Variants in C22orf42 observed in about 807,000 individuals in gnomAD.
The protein encoded by C22orf42 is chromosome 22 open reading frame 42, also known as uncharacterized protein C22orf42.
C22orf42 carries 24 observed loss-of-function variants against 31.4 expected under a neutral mutation model. The ratio of observed to expected loss-of-function variants is 0.77; its 90% confidence interval spans 0.55 to 1.08. The LOEUF (loss-of-function observed/expected upper bound fraction) is 1.08. Ranked by LOEUF, C22orf42 falls within the 50% of genes least tolerant of loss-of-function variation. C22orf42 has a pLI of 0.00. For missense variants in C22orf42, 276 were observed against 327.3 expected (o/e 0.84, Z 1.21); for synonymous variants, 96 against 112.7 (o/e 0.85, Z 0.94).
chr22:32,151,448 A>G (rs1920976692), intron 5 of C22orf42, 39 bp downstream of exon 5: 3 of 1,596,644 alleles, frequency 1.9e-6, no homozygotes, highest in Non-Finnish European at 2.6e-6. Context: ...CAGAAAAAAC[A>G]AAAAGCATTT....
At chr22:32,159,381 C>G, upstream of C22orf42, 1 of 1,432,322 alleles carries the variant, frequency 7.0e-7, no homozygotes, top group South Asian at 1.5e-5. Context: ...ACAACCAAGT[C>G]AGGCTAGTGG....
At chr22:32,151,180 T>C (rs1448662379) in intron 5 of C22orf42, among the ~76,000 whole-genome samples, 161 bp from the exon 6 acceptor site, 1 of 151,748 alleles carries the variant, frequency 6.6e-6, no homozygotes, top group Non-Finnish European at 1.5e-5. Context: ...TTGTGGAAAA[T>C]GCAGTGGGTT....
rs530814447 is a variant in C22orf42, at chr22:32,154,308, G to A, written c.243C>T (p.Ala81=). Residue 81 remains alanine (A), a synonymous_variant, in exon 2 of 9, where the codon GCC becomes GCT. Coordinates refer to ENST00000382097, the MANE Select transcript of C22orf42 (RefSeq NM_001010859.3). ...KMLKMSKGLD[A]RSKRWLKIIW... Reference sequence around the variant, plus strand: ...TTATTTTTAACCAGCGCTTGGAGCGGGCGTCCAAACCTGCAAGGTAGAGCA... The same window carrying A: ...TTATTTTTAACCAGCGCTTGGAGCGAGCGTCCAAACCTGCAAGGTAGAGCA... 49 of 1,612,842 alleles carry A rather than the reference G, an allele frequency of 3.0e-5. No homozygotes were observed. In the South Asian group the frequency reaches 5.4e-4, roughly 18 times the overall value.
At position 32,152,269 on chromosome 22, in the gene C22orf42, T is replaced by G. The variant is rs1444406788; in HGVS notation, c.373-175A>C. On this transcript the variant is annotated intron_variant, in intron 3 of 8. Coordinates refer to ENST00000382097, the MANE Select transcript of C22orf42 (RefSeq NM_001010859.3). ...CTTGTGGAAAATGCAGTGGGTTTTT[T>G]GGAATATTTAGCAAGTCTATGTTGG... 4.6e-5 allele frequency among the ~76,000 whole-genome samples: 7 copies of G among 152,200 alleles called. No homozygotes were observed. The South Asian group carries it at 1.4e-3, about 32-fold the overall frequency.
rs1280533454 is a variant in C22orf42 at position 32,149,122 on chromosome 22, C to G, written c.*418G>C. ...GAATTACATGAGATAAAATATGTAA[C>G]TAGCACAGTACTAGCACAAAATAAG... On this transcript the variant is annotated 3_prime_UTR_variant, in exon 9 of 9. Coordinates refer to ENST00000382097, the MANE Select transcript of C22orf42 (RefSeq NM_001010859.3). 1 of 152,906 alleles carries G rather than the reference C, an allele frequency of 6.5e-6. No homozygotes were observed. The highest frequency in any genetic ancestry group is 2.4e-5 in the African/African-American group (1 of 41,478). The allele number at this position is 152,906 out of a possible 1,614,324, so 9.5% of individuals were successfully genotyped here.
chr22:32,149,165 T>C lies in C22orf42; in HGVS notation c.*375A>G, dbSNP rs5998253. 72,070 of 158,512 alleles carry C rather than the reference T, an allele frequency of 0.45. 20,003 individuals are homozygous for C. Among genetic ancestry groups the C allele is most frequent in the African/African-American group, 0.8 (33,471 of 41,800 alleles). The allele number at this position is 158,512 out of a possible 1,614,324, so 9.8% of individuals were successfully genotyped here. The stretch of plus-strand genomic sequence containing the variant: ...AAAATAAGGAGTCAGTTAATATTAG[T>C]TCTTCTTCCTCCACCAGCTCAGCTC... On this transcript the variant is annotated 3_prime_UTR_variant, in exon 9 of 9. Transcript: ENST00000382097.
chr22:32,158,983 C>T lies in C22orf42; in HGVS notation c.232+1G>A. On this transcript the variant is annotated splice_donor_variant, in intron 1 of 8. Coordinates refer to ENST00000382097, the MANE Select transcript of C22orf42 (RefSeq NM_001010859.3). LOFTEE classifies it high-confidence loss of function. ...GCAAATGGCACCCATGGCTTCTTTA[C>T]CTTTGGACATCTTCAGCATCTTCGG... 1 of 1,614,192 alleles carries T rather than the reference C, an allele frequency of 6.2e-7. No homozygotes were observed. Among genetic ancestry groups the T allele is most frequent in the Middle Eastern group, 1.6e-4 (1 of 6,062 alleles).
At chr22:32,159,453 C>T, upstream of C22orf42, 1 of 1,387,732 alleles carries the variant, frequency 7.2e-7, no homozygotes, top group Non-Finnish European at 9.3e-7. Context: ...CTGCTGCTGC[C>T]CACCTTGTGG....
Position 32,159,297 on chromosome 22 carries a change from A to G in C22orf42, c.-82T>C. On this transcript the variant is annotated 5_prime_UTR_variant, in exon 1 of 9. Coordinates refer to ENST00000382097, the MANE Select transcript of C22orf42 (RefSeq NM_001010859.3). The stretch of plus-strand genomic sequence containing the variant: ...GCTCCTCCTCCTTCTACGGCCAGCT[A>G]CCGACTGAAGGCTGCTGGCCCTGGC... The G allele has an allele frequency of 6.4e-7, 1 of 1,551,912 alleles. No homozygotes were observed. The highest frequency in any genetic ancestry group is 1.2e-5 in the South Asian group (1 of 83,716).
rs957438516 is a variant in C22orf42, at chr22:32,150,388, T to C, written c.585A>G (p.Glu195=). Residue 195 remains glutamate, a synonymous_variant, in exon 7 of 9, where the codon GAA becomes GAG. Transcript: ENST00000382097. The part of the protein sequence containing the change: ...DLSESLSVSL[E]DFMTSGLSES... ...CACTGAGACCTGATGTCATGAAGTC[T>C]TCAAGAGAGACAGATAGGCTTTCAC... The C allele has an allele frequency of 8.7e-6, 14 of 1,614,162 alleles. No homozygotes were observed. Among genetic ancestry groups the C allele is most frequent in the Non-Finnish European group, 1.2e-5 (14 of 1,179,980 alleles).
chr22:32,154,280 A>G lies in C22orf42; in HGVS notation c.271T>C (p.Trp91Arg), dbSNP rs41279983. 83 of 1,611,952 alleles carry G rather than the reference A, an allele frequency of 5.1e-5. No individual in the cohort carries two copies. Among genetic ancestry groups the G allele is most frequent in the Non-Finnish European group, 6.2e-5 (73 of 1,179,388 alleles). The change falls in exon 2 of 9, where the codon TGG becomes CGG. Residue 91 changes from tryptophan to arginine, a missense_variant. By Grantham distance (101) the Trp-to-Arg change is moderately radical. Transcript: ENST00000382097. ...ARSKRWLKIIWRRHGIWPLEN... is the reference protein window; with the variant it reads ...ARSKRWLKIIRRRHGIWPLEN... Reference sequence around the variant, plus strand: ...AGAGGCCAAATCCCGTGCCGTCTCCATATTATTTTTAACCAGCGCTTGGAG... The same window carrying G: ...AGAGGCCAAATCCCGTGCCGTCTCCGTATTATTTTTAACCAGCGCTTGGAG...
In C22orf42 at chr22:32,149,714, CATATATATCTATATATATCTAG is replaced by C; in HGVS notation, c.682+17_682+38del. ...ATATCTATATCTATATCTATATCTA[CATATATATCTATATATATCTAG>C]ATATATATATACTTACAGAGGTAAT... On this transcript the variant is annotated intron_variant, in intron 8 of 8. Transcript: ENST00000382097. 1 of 1,124,314 alleles carries C rather than the reference CATATATATCTATATATATCTAG, an allele frequency of 8.9e-7. No homozygotes were observed. The highest frequency in any genetic ancestry group is 3.2e-5 in the East Asian group (1 of 31,042). 69.6% of individuals were successfully genotyped at this position (1,124,314 alleles called of 1,614,324 possible). A position where few individuals can be genotyped will look rare whatever the true frequency, so the allele number is the denominator to read the frequency against.
In C22orf42 at chr22:32,150,471, C is replaced by T. The variant is rs774321262; in HGVS notation, c.502G>A (p.Glu168Lys). 121 of 1,614,040 alleles carry T rather than the reference C, an allele frequency of 7.5e-5. No homozygotes were observed. The highest frequency in any genetic ancestry group is 4.9e-4 in the Middle Eastern group (3 of 6,062). The change falls in exon 7 of 9, where the codon GAA (glutamate) becomes AAA (lysine). Residue 168 changes from glutamate (E) to lysine (K), a missense_variant. Physicochemically the swap from Glu to Lys is moderately conservative, Grantham distance 56. Transcript: ENST00000382097. ...SEAKHDHHLV[E>K]DLSESLSVCL... ...ACAGATAGGCTTTCACTGAGATCTT[C>T]GACCAAATCTAGGAGAACATAGTGA...
At chr22:32,150,022 G>T in intron 7 of C22orf42, 1 of 480,656 alleles carries the variant, frequency 2.1e-6, no homozygotes, top group Non-Finnish European at 3.8e-6. Context: ...AGTTGCTACT[G>T]AGAAATATGC....
Position 32,154,324 on chromosome 22 carries a change from A to G in C22orf42, c.233-6T>C. ...CTTGGAGCGGGCGTCCAAACCTGCA[A>G]GGTAGAGCAGACTTCTTATAGATTC... On this transcript the variant is annotated splice_region_variant and splice_polypyrimidine_tract_variant and intron_variant, in intron 1 of 8. Coordinates refer to ENST00000382097, the MANE Select transcript of C22orf42 (RefSeq NM_001010859.3). The G allele has an allele frequency of 6.2e-7, 1 of 1,610,500 alleles. No individual in the cohort carries two copies. Among genetic ancestry groups the G allele is most frequent in the Admixed American group, 1.7e-5 (1 of 59,074 alleles).
rs1027110453 is a variant in C22orf42 at position 32,150,555 on chromosome 22, A to G, written c.494-76T>C. On this transcript the variant is annotated intron_variant, in intron 6 of 8. Transcript: ENST00000382097. ...CAAGGAGCCTTGGGGGATGTGGACC[A>G]GGGCTGGATCATGTGCAGGTGGGCG... 6.6e-5 allele frequency: 98 copies of G among 1,494,032 alleles called. No individual in the cohort carries two copies. The East Asian group carries it at 1.5e-3, about 23-fold the overall frequency. 92.5% of individuals were successfully genotyped at this position (1,494,032 alleles called of 1,614,324 possible).
At chr22:32,149,657 A>G (rs1396301265) in intron 8 of C22orf42, 44 bp from the exon 9 acceptor site, 5 of 1,189,634 alleles carry the variant, frequency 4.2e-6, no homozygotes, top group Non-Finnish European at 5.5e-6. Flanking sequence ...AAAAATATAT[A>G]TATATATATA....
chr22:32,152,107 A>T lies in C22orf42; in HGVS notation c.373-13T>A, dbSNP rs767318752. On this transcript the variant is annotated splice_polypyrimidine_tract_variant and intron_variant, in intron 3 of 8. Coordinates refer to ENST00000382097, the MANE Select transcript of C22orf42 (RefSeq NM_001010859.3). ...CCTCAGGTATTTCCTGCAATAAGAG[A>T]AAAGAAAAAGAAACACCATGAGGAT... 6 of 1,604,848 alleles carry T rather than the reference A, an allele frequency of 3.7e-6. No homozygotes were observed. The South Asian group carries it at 6.8e-5, about 18-fold the overall frequency.
chr22:32,151,930 G>A (rs901818955), intron 4 of C22orf42, 137 bp downstream of exon 4: 3 of 856,638 alleles, frequency 3.5e-6, no homozygotes, highest in Admixed American at 2.7e-5. Context: ...GAATAAAGAG[G>A]TTCTAAGATT....
Sources: allele counts gnomAD v4.1 joint callset (sites outside exome capture counted in the v4.1 genomes callset), GRCh38; gene constraint gnomAD v4.1.1; transcripts MANE v1.5; gene names NCBI Gene and HGNC (gene_info 2026-07-23, HGNC 2026-07-21).